Variants in PPFIA2 observed in about 807,000 individuals in gnomAD.
PPFIA2 encodes liprin-alpha-2.
Under a neutral mutation model 175.5 loss-of-function variants are expected in PPFIA2, and 46 were observed. That is an observed-to-expected ratio of 0.26 (90% CI 0.21 to 0.34). The LOEUF (loss-of-function observed/expected upper bound fraction) is 0.34. Ranked by LOEUF, PPFIA2 falls within the 10% of genes least tolerant of loss-of-function variation. The pLI is 1.00. For missense variants in PPFIA2, 1,179 were observed against 1,506.1 expected (o/e 0.78, Z 3.60); for synonymous variants, 568 against 511.4 (o/e 1.11, Z -1.49).
intron 2 of PPFIA2, among the ~76,000 whole-genome samples, chr12:81,756,716 A>C (rs568910970): frequency 6.6e-6 from 1 of 152,290 alleles, no homozygotes; most frequent in Admixed American, 6.5e-5. Context: ...GACTGAGAAC[A>C]CACAGCAAAA....
intron 22 of PPFIA2, among the ~76,000 whole-genome samples, chr12:81,323,224 G>T (rs191638499): frequency 1.3e-5 from 2 of 151,790 alleles, no homozygotes; most frequent in East Asian, 3.9e-4. Context: ...ATAAGATATT[G>T]TCTAGTTCTG....
At chr12:81,365,715 G>C (rs2032996829) in intron 14 of PPFIA2, among the ~76,000 whole-genome samples, 1 of 151,620 alleles carries the variant, frequency 6.6e-6, no homozygotes, top group Admixed American at 6.6e-5. Flanking sequence ...ATGTCTTTAA[G>C]AGGCTACTAA....
At chr12:81,413,746 T>C (rs1183736471) in intron 7 of PPFIA2, among the ~76,000 whole-genome samples, 3 of 151,788 alleles carry the variant, frequency 2.0e-5, no homozygotes, top group Non-Finnish European at 4.4e-5. Flanking sequence ...TTAGAATGAA[T>C]CGTTGTTTGT....
intron 4 of PPFIA2, among the ~76,000 whole-genome samples, chr12:81,653,354 CT>C (rs1426643762): frequency 2.0e-5 from 3 of 152,072 alleles, no homozygotes; most frequent in African/African-American, 7.2e-5. Flanking sequence ...CAGTTAGATC[CT>C]TTGTTCCTTG....
chr12:81,493,787 T>TATATATATAGACAC (rs1491517743), intron 4 of PPFIA2, among the ~76,000 whole-genome samples: 27 of 128,356 alleles, frequency 2.1e-4, no homozygotes, highest in African/African-American at 7.4e-4. Flanking sequence ...TATATATATA[T>TATATATATAGACAC]ACACATTGGA....
intron 3 of PPFIA2, among the ~76,000 whole-genome samples, chr12:81,706,849 C>T (rs1265030043): frequency 1.3e-5 from 2 of 152,098 alleles, no homozygotes; most frequent in East Asian, 3.9e-4. Context: ...CAGAACAGAG[C>T]CCTCAGAAAT....
At chr12:81,448,619 T>C (rs2051791587) in intron 5 of PPFIA2, among the ~76,000 whole-genome samples, 1 of 152,244 alleles carries the variant, frequency 6.6e-6, no homozygotes, top group South Asian at 2.1e-4. Flanking sequence ...CATTCTGGTA[T>C]AGCTTCATTG....
chr12:81,650,165 G>A (rs1406598894), intron 4 of PPFIA2, among the ~76,000 whole-genome samples: 1 of 151,876 alleles, frequency 6.6e-6, no homozygotes, highest in Non-Finnish European at 1.5e-5. Flanking sequence ...GCCCGCCACT[G>A]CACCCAGCTA....
intron 25 of PPFIA2, 110 bp from the exon 26 acceptor site, chr12:81,283,149 G>A (rs1467426385): frequency 9.9e-7 from 1 of 1,006,450 alleles, no homozygotes; most frequent in Non-Finnish European, 1.5e-6. Context: ...AAAATATTTT[G>A]TATAACAGGT....
At chr12:81,637,091 C>T (rs970229383) in intron 4 of PPFIA2, among the ~76,000 whole-genome samples, 15 of 150,544 alleles carry the variant, frequency 1.0e-4, no homozygotes, top group South Asian at 2.1e-4. Context: ...TTTTGTGAGA[C>T]GGAGTTTCAC....
In PPFIA2 at chr12:81,642,706, G is replaced by GTATATATTATATACATACAT. The variant is rs1447746632; in HGVS notation, c.303+34084_303+34085insATGTATGTATATAATATATA. ...ATCTATTATATACATACATGTATAT[G>GTATATATTATATACATACAT]TATGTATGTATTATATACATACATG... On this transcript the variant is annotated intron_variant, in intron 4 of 32. Coordinates refer to ENST00000549396, the MANE Select transcript of PPFIA2 (RefSeq NM_003625.5). Among the ~76,000 whole-genome samples, 13 of 35,552 alleles carry GTATATATTATATACATACAT rather than the reference G, an allele frequency of 3.7e-4. 2 individuals carry two copies. The South Asian group carries it at 7.0e-3, about 19-fold the overall frequency. 23.3% of individuals were successfully genotyped at this position (35,552 alleles called of 152,430 possible).
intron 3 of PPFIA2, among the ~76,000 whole-genome samples, chr12:81,738,799 C>T (rs2153650904): frequency 6.6e-6 from 1 of 151,936 alleles, no homozygotes; most frequent in South Asian, 2.1e-4. Context: ...GATTATCAGT[C>T]TGCATACAAA....
chr12:81,497,405 A>G (rs1443493685), intron 4 of PPFIA2, among the ~76,000 whole-genome samples: 1 of 152,022 alleles, frequency 6.6e-6, no homozygotes, highest in East Asian at 1.9e-4. Flanking sequence ...CATTAGGGCA[A>G]AGTTTTCTTA....
At chr12:81,374,068 C>A (rs1422490104) in intron 11 of PPFIA2, among the ~76,000 whole-genome samples, 1 of 151,988 alleles carries the variant, frequency 6.6e-6, no homozygotes, top group African/African-American at 2.4e-5. Flanking sequence ...GTTGCAGAAT[C>A]TACTGGCCAT....
At chr12:81,752,191 A>C (rs561666147) in intron 3 of PPFIA2, among the ~76,000 whole-genome samples, 1 of 152,186 alleles carries the variant, frequency 6.6e-6, no homozygotes, top group African/African-American at 2.4e-5. Context: ...ACTTGTCTCC[A>C]AATATAATAA....
chr12:81,339,400 T>A (rs2057672592), intron 20 of PPFIA2, 66 bp from the exon 21 acceptor site: 9 of 1,249,528 alleles, frequency 7.2e-6, no homozygotes, highest in Non-Finnish European at 8.4e-6. Context: ...ATTTCCTTTA[T>A]AAAATGCACC....
chr12:81,712,753 C>CT lies in PPFIA2; in HGVS notation c.250-35910dup, dbSNP rs888094509. 5.1e-4 allele frequency among the ~76,000 whole-genome samples: 73 copies of CT among 142,160 alleles called. 1 individual carries two copies. The highest frequency in any genetic ancestry group is 8.7e-4 in the East Asian group (4 of 4,616). The allele number at this position is 142,160 out of a possible 152,430, so 93.3% of individuals were successfully genotyped here. A position where few individuals can be genotyped will look rare whatever the true frequency, so the allele number is the denominator to read the frequency against. On this transcript the variant is annotated intron_variant, in intron 3 of 32. Coordinates refer to ENST00000549396, the MANE Select transcript of PPFIA2 (RefSeq NM_003625.5). ...ATTTTTTTTTTTAAGTGGGACATCA[C>CT]TTTTTTTTTTTTAATCAAGCACAAA...
At position 81,663,703 on chromosome 12, in the gene PPFIA2, G is replaced by A. The variant is rs148582523; in HGVS notation, c.303+13088C>T. Reference sequence around the variant, plus strand: ...GAAAAAACCACTTTAAAGTTCATATGGAACCAAAAAAGAGCCCACATTGCC... The same window carrying A: ...GAAAAAACCACTTTAAAGTTCATATAGAACCAAAAAAGAGCCCACATTGCC... On this transcript the variant is annotated intron_variant, in intron 4 of 32. Coordinates refer to ENST00000549396, the MANE Select transcript of PPFIA2 (RefSeq NM_003625.5). 4.3e-3 allele frequency among the ~76,000 whole-genome samples: 656 copies of A among 152,168 alleles called. 6 individuals carry two copies. The highest frequency in any genetic ancestry group is 0.015 in the African/African-American group (618 of 41,494).
chr12:81,584,617 G>A (rs968801204), intron 4 of PPFIA2, among the ~76,000 whole-genome samples: 34 of 150,522 alleles, frequency 2.3e-4, no homozygotes, highest in Non-Finnish European at 3.4e-4. Context: ...AGCCTACTAC[G>A]CATCTAGCCT....
Sources: allele counts gnomAD v4.1 joint callset (sites outside exome capture counted in the v4.1 genomes callset), GRCh38; gene constraint gnomAD v4.1.1; transcripts MANE v1.5; gene names NCBI Gene and HGNC (gene_info 2026-07-23, HGNC 2026-07-21).